GNAO1: variants seen among roughly 807,000 people sequenced by gnomAD.
GNAO1 encodes the protein guanine nucleotide-binding protein G(o) subunit alpha.
For synonymous variants in GNAO1, 164 were observed against 180.7 expected (o/e 0.91, Z 0.74); for missense variants, 166 against 478.7 (o/e 0.35, Z 6.10).
intron 2 of GNAO1, among the ~76,000 whole-genome samples, chr16:56,261,135 G>T (rs2036899980): frequency 1.3e-5 from 2 of 152,202 alleles, no homozygotes; most frequent in African/African-American, 4.8e-5. Context: ...CCCTGGAGAG[G>T]AATGTGCATT....
chr16:56,220,541 T>A (rs1384387520), intron 2 of GNAO1, among the ~76,000 whole-genome samples: 8 of 152,164 alleles, frequency 5.3e-5, no homozygotes, highest in African/African-American at 1.9e-4. Context: ...AAGAATTTCC[T>A]TAGAAAAATG....
intron 3 of GNAO1, among the ~76,000 whole-genome samples, chr16:56,294,585 C>G (rs1480037244): frequency 2.6e-5 from 4 of 152,112 alleles, no homozygotes; most frequent in African/African-American, 7.2e-5. Flanking sequence ...CATTGATGTA[C>G]AAGTTTTTGT....
chr16:56,241,606 A>G (rs1347395029), intron 2 of GNAO1, among the ~76,000 whole-genome samples: 2 of 152,252 alleles, frequency 1.3e-5, no homozygotes, highest in African/African-American at 4.8e-5. Flanking sequence ...TTTTTAAATA[A>G]TAACAAATAA....
intron 2 of GNAO1, among the ~76,000 whole-genome samples, chr16:56,208,049 A>G (rs17279035): frequency 0.021 from 3,169 of 152,204 alleles, 79 homozygotes; most frequent in Non-Finnish European, 0.027. Context: ...TTTACCACCT[A>G]CATATGCATC....
intron 3 of GNAO1, among the ~76,000 whole-genome samples, chr16:56,300,117 G>T (rs1398202890): frequency 6.6e-6 from 1 of 151,700 alleles, no homozygotes; most frequent in Non-Finnish European, 1.5e-5. Context: ...CCTGTGGGTG[G>T]TTTAGTGTGT....
chr16:56,227,151 T>C (rs983120415), intron 2 of GNAO1, among the ~76,000 whole-genome samples: 25 of 152,146 alleles, frequency 1.6e-4, no homozygotes, highest in African/African-American at 5.6e-4. Context: ...GTTTTTGTTT[T>C]TGTTTTTTAA....
chr16:56,196,143 C>G (rs188048604), intron 2 of GNAO1, among the ~76,000 whole-genome samples: 4 of 152,208 alleles, frequency 2.6e-5, no homozygotes, highest in Admixed American at 6.5e-5. Context: ...GGTTCCCCCC[C>G]CCTTGTGTGT....
chr16:56,312,168 G>A (rs1426384746), intron 3 of GNAO1, among the ~76,000 whole-genome samples: 1 of 152,204 alleles, frequency 6.6e-6, no homozygotes, highest in Non-Finnish European at 1.5e-5. Flanking sequence ...TCACAGGGAA[G>A]CAGGGCTGCA....
intron 6 of GNAO1, chr16:56,347,061 G>T: frequency 1.0e-6 from 1 of 985,408 alleles, no homozygotes; most frequent in Non-Finnish European, 1.2e-6. Context: ...TTCTCAGTCT[G>T]ACCTGGTGCA....
At chr16:56,228,309 A>T (rs756962269) in intron 2 of GNAO1, among the ~76,000 whole-genome samples, 5 of 152,000 alleles carry the variant, frequency 3.3e-5, no homozygotes, top group African/African-American at 1.2e-4. Context: ...TGGCATTTCC[A>T]TGTATGTACC....
At chr16:56,297,522 GGTGTGTGTGTGTGTGTGTGTGTGT>G (rs10545712) in intron 3 of GNAO1, among the ~76,000 whole-genome samples, 7 of 134,328 alleles carry the variant, frequency 5.2e-5, no homozygotes, top group Non-Finnish European at 9.5e-5. Flanking sequence ...TTGTCTAACT[GGTGTGTGTGTGTGTGTGTGTGTGT>G]GTGTGTGTGT....
At chr16:56,238,379 G>T (rs2036661303) in intron 2 of GNAO1, among the ~76,000 whole-genome samples, 1 of 152,240 alleles carries the variant, frequency 6.6e-6, no homozygotes, top group Non-Finnish European at 1.5e-5. Flanking sequence ...GCCTGTGCAC[G>T]TGGCCAGAGG....
chr16:56,289,192 G>A (rs1425946859), intron 3 of GNAO1, among the ~76,000 whole-genome samples: 4 of 152,238 alleles, frequency 2.6e-5, no homozygotes, highest in African/African-American at 7.2e-5. Context: ...CAGCCTTGGT[G>A]AGCCCCCAGT....
chr16:56,204,001 A>G (rs1328165215), intron 2 of GNAO1, among the ~76,000 whole-genome samples: 1 of 152,238 alleles, frequency 6.6e-6, no homozygotes, highest in African/African-American at 2.4e-5. Context: ...ATGAGGCTTT[A>G]GAGCAAAGAG....
chr16:56,314,823 T>C (rs2037492924), intron 3 of GNAO1, among the ~76,000 whole-genome samples: 1 of 152,104 alleles, frequency 6.6e-6, no homozygotes, highest in Admixed American at 6.5e-5. Context: ...CAGAGACCCC[T>C]CGGGGTCCAC....
intron 2 of GNAO1, among the ~76,000 whole-genome samples, chr16:56,269,294 T>A (rs1282936712): frequency 3.3e-5 from 5 of 152,104 alleles, no homozygotes; most frequent in Non-Finnish European, 5.9e-5. Context: ...CTGCTGTTGT[T>A]GCTGCTCCTC....
At chr16:56,353,801 A>G (rs1201483305) in intron 7 of GNAO1, among the ~76,000 whole-genome samples, 4 of 152,186 alleles carry the variant, frequency 2.6e-5, no homozygotes, top group African/African-American at 9.7e-5. Flanking sequence ...GAGGCTTTGC[A>G]CTGTGGGTCC....
At chr16:56,262,637 A>G in intron 2 of GNAO1, among the ~76,000 whole-genome samples, 1 of 152,230 alleles carries the variant, frequency 6.6e-6, no homozygotes, top group Non-Finnish European at 1.5e-5. Flanking sequence ...AAAGCTATGC[A>G]GACTGCTCCC....
At chr16:56,208,819 T>C (rs910934758) in intron 2 of GNAO1, among the ~76,000 whole-genome samples, 14 of 152,234 alleles carry the variant, frequency 9.2e-5, no homozygotes, top group Admixed American at 9.2e-4. Context: ...TTAAATTAGG[T>C]TGTAATTTTC....
Sources: gnomAD v4.1 joint callset for allele counts (sites outside exome capture counted in the v4.1 genomes callset) on GRCh38, gnomAD v4.1.1 for gene constraint, MANE v1.5 for transcripts, NCBI Gene and HGNC (gene_info 2026-07-23, HGNC 2026-07-21) for gene names.